Variants in LSAMP observed in about 807,000 individuals in gnomAD.
LSAMP encodes limbic system-associated membrane protein.
A neutral mutation model predicts 38.6 loss-of-function variants in LSAMP; 7 were observed. That is an observed-to-expected ratio of 0.18 (90% CI 0.10 to 0.34). LSAMP has a LOEUF of 0.34. LSAMP is among the 10% of genes least tolerant of loss of function. LSAMP has a pLI of 1.00. For synonymous variants in LSAMP, 154 were observed against 166.8 expected (o/e 0.92, Z 0.59); for missense variants, 313 against 420.0 (o/e 0.75, Z 2.23).
intron 3 of LSAMP, among the ~76,000 whole-genome samples, chr3:115,954,252 T>C (rs1938383912): frequency 6.6e-6 from 1 of 152,180 alleles, no homozygotes; most frequent in Non-Finnish European, 1.5e-5. Flanking sequence ...ACAGCCAGCC[T>C]GGGAGCACAG....
intron 1 of LSAMP, among the ~76,000 whole-genome samples, chr3:116,223,678 T>C (rs764580140): frequency 2.0e-5 from 3 of 152,214 alleles, no homozygotes; most frequent in Non-Finnish European, 2.9e-5. Context: ...GTCATTCTTC[T>C]GAGGATGGTA....
intron 1 of LSAMP, among the ~76,000 whole-genome samples, chr3:116,312,328 A>G (rs1197419316): frequency 2.0e-5 from 3 of 152,288 alleles, no homozygotes; most frequent in Admixed American, 1.3e-4. Context: ...AACCCTGCCC[A>G]TCTTTGGACT....
At chr3:116,004,071 G>C (rs940476000) in intron 3 of LSAMP, among the ~76,000 whole-genome samples, 2 of 152,154 alleles carry the variant, frequency 1.3e-5, no homozygotes, top group African/African-American at 4.8e-5. Flanking sequence ...ATGTCTCAGG[G>C]ATACATTTTT....
At chr3:116,027,867 T>C (rs969588107) in intron 2 of LSAMP, among the ~76,000 whole-genome samples, 9 of 152,186 alleles carry the variant, frequency 5.9e-5, no homozygotes, top group African/African-American at 2.2e-4. Flanking sequence ...GGTTATTATT[T>C]GTACTCAATT....
At chr3:116,327,153 A>T (rs1396614892) in intron 1 of LSAMP, among the ~76,000 whole-genome samples, 2 of 152,170 alleles carry the variant, frequency 1.3e-5, no homozygotes, top group Non-Finnish European at 2.9e-5. Flanking sequence ...CTGGCCTGAG[A>T]TGTTACATTT....
At chr3:116,114,165 C>T (rs890935596) in intron 1 of LSAMP, among the ~76,000 whole-genome samples, 2 of 152,190 alleles carry the variant, frequency 1.3e-5, no homozygotes, top group Non-Finnish European at 2.9e-5. Flanking sequence ...CCTATAGACT[C>T]CAAAGACTCC....
chr3:116,147,518 T>A (rs1190451671), intron 1 of LSAMP, among the ~76,000 whole-genome samples: 1 of 151,976 alleles, frequency 6.6e-6, no homozygotes, highest in Non-Finnish European at 1.5e-5. Flanking sequence ...GGTGACTCTA[T>A]CCTGGTTCAT....
chr3:115,849,343 G>A (rs2107517784), intron 4 of LSAMP, among the ~76,000 whole-genome samples: 1 of 152,324 alleles, frequency 6.6e-6, no homozygotes, highest in African/African-American at 2.4e-5. Flanking sequence ...TCCAGCTTGT[G>A]AGCTCAACAG....
At chr3:115,957,619 C>G (rs1324233737) in intron 3 of LSAMP, among the ~76,000 whole-genome samples, 1 of 152,098 alleles carries the variant, frequency 6.6e-6, no homozygotes, top group African/African-American at 2.4e-5. Flanking sequence ...GACAAAGGAG[C>G]TAGGAAATTT....
intron 2 of LSAMP, among the ~76,000 whole-genome samples, chr3:116,035,812 G>T (rs925719324): frequency 6.6e-6 from 1 of 152,174 alleles, no homozygotes; most frequent in Non-Finnish European, 1.5e-5. Flanking sequence ...GTCATTGGAC[G>T]TTGTGGAGAA....
In LSAMP at chr3:115,802,551, G is replaced by A. The variant is rs2918220; in HGVS notation, c.*7766C>T. 12 of 148,110 alleles carry A rather than the reference G, an allele frequency of 8.1e-5. No individual in the cohort carries two copies. Among genetic ancestry groups the A allele is most frequent in the African/African-American group, 2.5e-4 (10 of 39,728 alleles). The allele number at this position is 148,110 out of a possible 1,614,324, so 9.2% of individuals were successfully genotyped here. A position where few individuals can be genotyped will look rare whatever the true frequency, so the allele number is the denominator to read the frequency against. On this transcript the variant is annotated 3_prime_UTR_variant, in exon 7 of 7. Coordinates refer to ENST00000490035, the MANE Select transcript of LSAMP (RefSeq NM_002338.5). The stretch of plus-strand genomic sequence containing the variant: ...ATTTTTTTTTTTTAACACACATTGC[G>A]CTTTTTATCTCCTTCACAGAGCTAG...
At chr3:116,098,876 G>A (rs79267628) in intron 1 of LSAMP, among the ~76,000 whole-genome samples, 5 of 152,178 alleles carry the variant, frequency 3.3e-5, no homozygotes, top group African/African-American at 1.2e-4. Flanking sequence ...GGGAATAAAA[G>A]CAAGAGCTGA....
chr3:115,918,705 A>AG (rs1188858450), intron 3 of LSAMP, among the ~76,000 whole-genome samples: 1 of 118,880 alleles, frequency 8.4e-6, no homozygotes, highest in Non-Finnish European at 1.7e-5. Flanking sequence ...CTTAAAGAAC[A>AG]GGTTTTTTTT....
At chr3:116,255,647 C>A (rs189348467) in intron 1 of LSAMP, among the ~76,000 whole-genome samples, 17 of 152,250 alleles carry the variant, frequency 1.1e-4, no homozygotes, top group African/African-American at 3.9e-4. Context: ...ACCTACCTTA[C>A]AATTTGCTAC....
chr3:116,350,294 C>T (rs2048120771), intron 1 of LSAMP, among the ~76,000 whole-genome samples: 1 of 152,058 alleles, frequency 6.6e-6, no homozygotes, highest in African/African-American at 2.4e-5. Context: ...AGAGGTACAA[C>T]TATTGGTTAA....
intron 1 of LSAMP, among the ~76,000 whole-genome samples, chr3:116,116,498 C>T (rs1708748539): frequency 6.8e-6 from 1 of 146,994 alleles, no homozygotes; most frequent in African/African-American, 2.5e-5. Flanking sequence ...AGATTAAGAC[C>T]ATCCTGGCTA....
At chr3:116,160,254 C>T (rs1013726005) in intron 1 of LSAMP, among the ~76,000 whole-genome samples, 6 of 152,062 alleles carry the variant, frequency 3.9e-5, no homozygotes, top group Admixed American at 6.6e-5. Flanking sequence ...ACAAAAGTAG[C>T]CAGGTGTGAT....
chr3:115,817,042 G>T (rs1934051401), intron 6 of LSAMP, among the ~76,000 whole-genome samples: 1 of 152,174 alleles, frequency 6.6e-6, no homozygotes, highest in South Asian at 2.1e-4. Flanking sequence ...CAAGCCAACT[G>T]GCTGTCCTGC....
intron 1 of LSAMP, among the ~76,000 whole-genome samples, chr3:116,343,321 T>C (rs546999104): frequency 1.3e-5 from 2 of 152,218 alleles, no homozygotes; most frequent in Admixed American, 1.3e-4. Context: ...TTTGTGACCC[T>C]GAAAGTAGGC....
Sources: gnomAD v4.1 joint callset for allele counts (sites outside exome capture counted in the v4.1 genomes callset) on GRCh38, gnomAD v4.1.1 for gene constraint, MANE v1.5 for transcripts, NCBI Gene and HGNC (gene_info 2026-07-23, HGNC 2026-07-21) for gene names.